The following PCCA variants were observed in gnomAD, a reference collection of about 807,000 sequenced individuals.
PCCA encodes the protein propionyl-CoA carboxylase alpha chain, mitochondrial.
In PCCA, 74 loss-of-function variants were observed where a neutral mutation model predicts 101.3. The ratio of observed to expected loss-of-function variants is 0.73; its 90% CI spans 0.61 to 0.89. The LOEUF (loss-of-function observed/expected upper bound fraction) is 0.89, where lower values mean the gene tolerates loss of function less well. PCCA is among the 40% of genes least tolerant of loss of function. PCCA has a pLI of 0.00. For synonymous variants in PCCA, 294 were observed against 313.6 expected (o/e 0.94, Z 0.66); for missense variants, 891 against 907.0 (o/e 0.98, Z 0.23).
At chr13:100,096,914 C>T (rs915109521) in intron 1 of PCCA, among the ~76,000 whole-genome samples, 3 of 152,204 alleles carry the variant, frequency 2.0e-5, no homozygotes, top group Admixed American at 2.0e-4. Context: ...TGAGGCCGGG[C>T]GCAGTGGTTC....
intron 16 of PCCA, among the ~76,000 whole-genome samples, chr13:100,329,209 G>C (rs1480407237): frequency 6.6e-6 from 1 of 151,740 alleles, no homozygotes. Flanking sequence ...ACTTACTACT[G>C]GCTGTTTAAT....
At chr13:100,392,115 G>A (rs1333055114) in intron 19 of PCCA, among the ~76,000 whole-genome samples, 4 of 152,076 alleles carry the variant, frequency 2.6e-5, no homozygotes, top group Admixed American at 6.6e-5. Context: ...TAGGAGCTTT[G>A]TAAAGGCAAG....
chr13:100,392,240 G>C (rs1313524396), intron 19 of PCCA, among the ~76,000 whole-genome samples: 2 of 152,080 alleles, frequency 1.3e-5, no homozygotes, highest in Non-Finnish European at 2.9e-5. Flanking sequence ...CAGTGAAGCG[G>C]GAAGGAAGGA....
At chr13:100,462,577 G>A (rs539832545) in intron 21 of PCCA, among the ~76,000 whole-genome samples, 37 of 152,280 alleles carry the variant, frequency 2.4e-4, no homozygotes, top group African/African-American at 8.4e-4. Context: ...TTGATAAACA[G>A]TACAGTCCAT....
chr13:100,183,506 C>T (rs985735720), intron 6 of PCCA, among the ~76,000 whole-genome samples: 11 of 152,070 alleles, frequency 7.2e-5, no homozygotes, highest in Non-Finnish European at 1.5e-4. Flanking sequence ...AGCTGGCCAT[C>T]GGGGGAAGTC....
chr13:100,405,826 A>T (rs1430269409), intron 19 of PCCA, among the ~76,000 whole-genome samples: 2 of 138,224 alleles, frequency 1.4e-5, no homozygotes, highest in East Asian at 4.3e-4. Flanking sequence ...GCAGGAGTGC[A>T]GTAAATCTCG....
At chr13:100,363,344 TA>T (rs964980388) in intron 18 of PCCA, among the ~76,000 whole-genome samples, 1 of 152,054 alleles carries the variant, frequency 6.6e-6, no homozygotes, top group African/African-American at 2.4e-5. Context: ...GCCATCTGTC[TA>T]AACATCTCTC....
At chr13:100,286,638 T>C (rs1463332761) in intron 12 of PCCA, among the ~76,000 whole-genome samples, 2 of 152,194 alleles carry the variant, frequency 1.3e-5, no homozygotes, top group African/African-American at 2.4e-5. Context: ...TCCTTACAGC[T>C]TTCTTTTCAA....
intron 19 of PCCA, among the ~76,000 whole-genome samples, chr13:100,404,955 CT>C (rs533113919): frequency 6.6e-6 from 1 of 152,284 alleles, no homozygotes; most frequent in South Asian, 2.1e-4. Flanking sequence ...ATCCAGTTTT[CT>C]TTCTAGGGCT....
intron 4 of PCCA, among the ~76,000 whole-genome samples, chr13:100,121,622 C>T (rs1187402392): frequency 6.6e-6 from 1 of 151,910 alleles, no homozygotes; most frequent in Non-Finnish European, 1.5e-5. Context: ...CTACAGGCAT[C>T]TGCCACCACA....
intron 18 of PCCA, among the ~76,000 whole-genome samples, chr13:100,344,697 G>T (rs1003077857): frequency 1.3e-5 from 2 of 152,152 alleles, no homozygotes; most frequent in African/African-American, 2.4e-5. Flanking sequence ...ACCTCTTAGA[G>T]ACTGTCATAC....
At chr13:100,325,889 G>A (rs1016258462) in intron 16 of PCCA, among the ~76,000 whole-genome samples, 11 of 152,124 alleles carry the variant, frequency 7.2e-5, no homozygotes, top group African/African-American at 2.4e-4. Flanking sequence ...CAGAACACAT[G>A]TGTTTAACAT....
chr13:100,164,327 T>G (rs1304241095), intron 6 of PCCA, among the ~76,000 whole-genome samples: 1 of 152,234 alleles, frequency 6.6e-6, no homozygotes, highest in Non-Finnish European at 1.5e-5. Context: ...TCATTGGTAC[T>G]TGAAAAGCTT....
intron 12 of PCCA, among the ~76,000 whole-genome samples, chr13:100,300,913 G>T (rs2066011356): frequency 6.6e-6 from 1 of 152,270 alleles, no homozygotes; most frequent in Non-Finnish European, 1.5e-5. Context: ...CCAAGTCAGT[G>T]TGGAGGGAAA....
intron 19 of PCCA, among the ~76,000 whole-genome samples, chr13:100,375,917 C>G (rs901573947): frequency 1.3e-5 from 2 of 152,196 alleles, no homozygotes; most frequent in Non-Finnish European, 2.9e-5. Context: ...CAAAGACACA[C>G]ATAGGCTAAA....
At chr13:100,495,281 G>T (rs1458620332) in intron 21 of PCCA, among the ~76,000 whole-genome samples, 2 of 152,114 alleles carry the variant, frequency 1.3e-5, no homozygotes, top group Admixed American at 6.5e-5. Context: ...ATGTTCCTGA[G>T]TAATTGCACA....
chr13:100,099,183 G>A (rs2047040760), intron 1 of PCCA, among the ~76,000 whole-genome samples: 1 of 152,108 alleles, frequency 6.6e-6, no homozygotes. Context: ...CTGCGGGTAT[G>A]TTAACAACAG....
intron 19 of PCCA, among the ~76,000 whole-genome samples, chr13:100,390,842 C>T (rs2076764181): frequency 6.6e-6 from 1 of 152,120 alleles, no homozygotes; most frequent in East Asian, 1.9e-4. Flanking sequence ...GATATGCGGA[C>T]AAGTGGAGTG....
intron 21 of PCCA, among the ~76,000 whole-genome samples, chr13:100,480,705 C>T (rs941954280): frequency 1.3e-5 from 2 of 152,186 alleles, no homozygotes; most frequent in African/African-American, 4.8e-5. Context: ...TCTTCCCTAC[C>T]GAGCCTTCTC....
Sources: allele counts gnomAD v4.1 joint callset (sites outside exome capture counted in the v4.1 genomes callset), GRCh38; gene constraint gnomAD v4.1.1; transcripts MANE v1.5; gene names NCBI Gene and HGNC (gene_info 2026-07-23, HGNC 2026-07-21).